Variants in PALS1 observed in about 807,000 individuals in gnomAD.
The protein encoded by PALS1 is protein PALS1.
Under a neutral mutation model 78.9 loss-of-function variants are expected in PALS1, and 31 were observed. That is an observed-to-expected ratio of 0.39 (90% CI 0.30 to 0.53). The LOEUF is 0.53. PALS1 is among the 20% of genes least tolerant of loss of function. PALS1 has a pLI of 0.67. For synonymous variants in PALS1, 276 were observed against 270.9 expected, an observed-to-expected ratio of 1.02 and a Z score of -0.18; for missense variants, 704 against 826.5, an observed-to-expected ratio of 0.85 and a Z score of 1.82.
At chr14:67,279,912 T>C (rs2084578371) in intron 3 of PALS1, 1 of 189,172 alleles carries the variant, frequency 5.3e-6, no homozygotes, top group South Asian at 1.9e-4. Context: ...AAAATAGTAA[T>C]AAATTTGTAA....
chr14:67,284,050 G>A (rs1054248632), intron 3 of PALS1, among the ~76,000 whole-genome samples: 10 of 151,908 alleles, frequency 6.6e-5, no homozygotes, highest in African/African-American at 1.9e-4. Context: ...TCTGAGCCTC[G>A]GTTTCAGGAT....
intron 1 of PALS1, among the ~76,000 whole-genome samples, chr14:67,250,547 A>T (rs1259977857): frequency 6.6e-6 from 1 of 152,190 alleles, no homozygotes; most frequent in Non-Finnish European, 1.5e-5. Flanking sequence ...AGTTAAACAG[A>T]TTGTTTTGTG....
chr14:67,278,377 C>G (rs1449284518), intron 2 of PALS1, among the ~76,000 whole-genome samples: 1 of 150,466 alleles, frequency 6.6e-6, no homozygotes, highest in Non-Finnish European at 1.5e-5. Flanking sequence ...GTTATAAAGA[C>G]TGATAACCCA....
intron 8 of PALS1, among the ~76,000 whole-genome samples, chr14:67,310,847 A>G (rs1482330518): frequency 6.6e-6 from 1 of 152,120 alleles, no homozygotes; most frequent in Admixed American, 6.5e-5. Flanking sequence ...CTATCTATCT[A>G]TGTCTATCTT....
At chr14:67,312,763 C>T in intron 9 of PALS1, 53 bp downstream of exon 9, 1 of 1,297,452 alleles carries the variant, frequency 7.7e-7, no homozygotes, top group Non-Finnish European at 1.0e-6. Context: ...ATTGAAAATG[C>T]AAGCCTTCAC....
chr14:67,262,473 G>C (rs1304358402), intron 1 of PALS1, among the ~76,000 whole-genome samples: 1 of 151,990 alleles, frequency 6.6e-6, no homozygotes, highest in East Asian at 1.9e-4. Flanking sequence ...TTTGGCTCCT[G>C]GTCTCCAAAT....
chr14:67,289,589 T>A (rs1356028973), intron 3 of PALS1, among the ~76,000 whole-genome samples: 1 of 151,996 alleles, frequency 6.6e-6, no homozygotes, highest in Non-Finnish European at 1.5e-5. Context: ...TTGTTTTGAT[T>A]TGGGGCGGGA....
intron 1 of PALS1, among the ~76,000 whole-genome samples, chr14:67,250,432 C>T (rs1344131119): frequency 2.0e-5 from 3 of 152,140 alleles, no homozygotes; most frequent in African/African-American, 7.2e-5. Context: ...GTTCTTCTGT[C>T]TTAGTATTGG....
intron 8 of PALS1, among the ~76,000 whole-genome samples, chr14:67,304,484 A>G (rs2084973499): frequency 6.6e-6 from 1 of 152,234 alleles, no homozygotes; most frequent in African/African-American, 2.4e-5. Flanking sequence ...GTACTGATAT[A>G]TGCTACAACA....
intron 5 of PALS1, 70 bp downstream of exon 5, chr14:67,301,536 C>G: frequency 1.9e-6 from 2 of 1,058,648 alleles, no homozygotes; most frequent in South Asian, 3.3e-5. Context: ...ATCAAAGACT[C>G]CAGTACTGGA....
At chr14:67,260,946 A>C (rs1426779608) in intron 1 of PALS1, among the ~76,000 whole-genome samples, 1 of 152,136 alleles carries the variant, frequency 6.6e-6, no homozygotes, top group Non-Finnish European at 1.5e-5. Flanking sequence ...ATGTCAGGCT[A>C]AGGTGTTCTG....
At chr14:67,256,629 C>T (rs916058324) in intron 1 of PALS1, among the ~76,000 whole-genome samples, 2 of 152,044 alleles carry the variant, frequency 1.3e-5, no homozygotes, top group Non-Finnish European at 2.9e-5. Flanking sequence ...CTCATTGCAA[C>T]CTTAGCCTCC....
chr14:67,263,897 T>C (rs996781081), intron 1 of PALS1, among the ~76,000 whole-genome samples: 1 of 152,184 alleles, frequency 6.6e-6, no homozygotes, highest in African/African-American at 2.4e-5. Context: ...TAATTCTTTC[T>C]ATTTTTTTAG....
At chr14:67,299,763 G>A (rs2140879887) in intron 4 of PALS1, among the ~76,000 whole-genome samples, 1 of 152,288 alleles carries the variant, frequency 6.6e-6, no homozygotes, top group East Asian at 1.9e-4. Context: ...AGATCTCAGA[G>A]ATGTTTAGGA....
chr14:67,263,666 G>A (rs1038975802), intron 1 of PALS1, among the ~76,000 whole-genome samples: 4 of 152,204 alleles, frequency 2.6e-5, no homozygotes, highest in East Asian at 1.9e-4. Flanking sequence ...TTCTGACCTC[G>A]AAAAACAACT....
intron 11 of PALS1, among the ~76,000 whole-genome samples, chr14:67,319,952 A>C (rs1464592954): frequency 6.6e-6 from 1 of 152,238 alleles, no homozygotes; most frequent in Non-Finnish European, 1.5e-5. Context: ...CCTTATTCAA[A>C]GTATTGACTG....
intron 13 of PALS1, among the ~76,000 whole-genome samples, chr14:67,321,803 T>A (rs969121146): frequency 2.6e-5 from 4 of 152,214 alleles, no homozygotes; most frequent in Non-Finnish European, 4.4e-5. Context: ...GATGTTCTGC[T>A]TGTATATATG....
chr14:67,250,937 T>A (rs1166904732), intron 1 of PALS1, among the ~76,000 whole-genome samples: 1 of 152,212 alleles, frequency 6.6e-6, no homozygotes, highest in Non-Finnish European at 1.5e-5. Context: ...CTTAATGTGT[T>A]ATGCTGTATG....
At chr14:67,243,399 G>A (rs2083935185) in intron 1 of PALS1, among the ~76,000 whole-genome samples, 1 of 151,648 alleles carries the variant, frequency 6.6e-6, no homozygotes, top group Admixed American at 6.6e-5. Context: ...TGTTGGCCAG[G>A]CTGGCCTCGA....
Sources: gnomAD v4.1 joint callset for allele counts (sites outside exome capture counted in the v4.1 genomes callset) on GRCh38, gnomAD v4.1.1 for gene constraint, MANE v1.5 for transcripts, NCBI Gene and HGNC (gene_info 2026-07-23, HGNC 2026-07-21) for gene names.